SARNP: variants seen among roughly 807,000 people sequenced by gnomAD.
SARNP encodes SAP domain containing ribonucleoprotein.
Under a neutral mutation model 38.1 loss-of-function variants are expected in SARNP, and 5 were observed. The ratio of observed to expected loss-of-function variants is 0.13; its 90% CI spans 0.07 to 0.28. The LOEUF (loss-of-function observed/expected upper bound fraction) is 0.28. Among genes scored for constraint, SARNP ranks in the 10% least tolerant of loss-of-function variants. The probability of loss-of-function intolerance (pLI) is 1.00; values close to 1 mark genes in which losing one functional copy is unlikely to be tolerated. For missense variants in SARNP, 180 were observed against 243.9 expected (o/e 0.74, Z 1.75); for synonymous variants, 84 against 80.6 (o/e 1.04, Z -0.23).
intron 4 of SARNP, among the ~76,000 whole-genome samples, chr12:55,799,655 G>C (rs1879922762): frequency 6.7e-6 from 1 of 149,130 alleles, no homozygotes; most frequent in South Asian, 2.1e-4. Context: ...CCAGGTTCAA[G>C]CAATTCTCCT....
At chr12:55,775,516 C>T (rs1403659143) in intron 9 of SARNP, among the ~76,000 whole-genome samples, 4 of 137,296 alleles carry the variant, frequency 2.9e-5, no homozygotes, top group African/African-American at 1.1e-4. Flanking sequence ...GAGCTGGGAT[C>T]GCGCTCTGTC....
At chr12:55,800,992 C>G (rs954628338) in intron 2 of SARNP, 92 bp from the exon 3 acceptor site, 1 of 1,058,138 alleles carries the variant, frequency 9.5e-7, no homozygotes, top group African/African-American at 1.6e-5. Flanking sequence ...TTGCTTTCCC[C>G]CAAAAAATCC....
chr12:55,788,689 C>A (rs573768715), intron 9 of SARNP, among the ~76,000 whole-genome samples: 186 of 152,066 alleles, frequency 1.2e-3, no homozygotes, highest in African/African-American at 4.3e-3. Context: ...GTTTTAGCTA[C>A]GAGAAAGGCT....
intron 1 of SARNP, among the ~76,000 whole-genome samples, chr12:55,811,937 C>T (rs1445192035): frequency 6.6e-6 from 1 of 152,200 alleles, no homozygotes; most frequent in East Asian, 1.9e-4. Flanking sequence ...AGATTATTGT[C>T]AAAATTCTTC....
intron 4 of SARNP, among the ~76,000 whole-genome samples, chr12:55,799,976 G>T (rs945104265): frequency 1.3e-5 from 2 of 151,828 alleles, no homozygotes; most frequent in Non-Finnish European, 2.9e-5. Flanking sequence ...GATCATTTGA[G>T]GTCAGGAGTT....
At chr12:55,755,604 T>C (rs540247810), downstream of SARNP, 1 of 152,230 alleles carries the variant, frequency 6.6e-6, no homozygotes, top group East Asian at 1.9e-4. Context: ...GTCTGTTCCA[T>C]CTCCAAACGG....
chr12:55,799,912 G>A (rs1357885878), intron 4 of SARNP, among the ~76,000 whole-genome samples: 2 of 151,402 alleles, frequency 1.3e-5, no homozygotes, highest in Non-Finnish European at 2.9e-5. Context: ...AGAATGGGCC[G>A]GGCACGGTGG....
chr12:55,805,586 C>T (rs1338545954), intron 1 of SARNP, among the ~76,000 whole-genome samples: 1 of 152,218 alleles, frequency 6.6e-6, no homozygotes, highest in African/African-American at 2.4e-5. Context: ...GTGGCTCACG[C>T]CTGTAATCCC....
intron 9 of SARNP, among the ~76,000 whole-genome samples, chr12:55,772,712 CTTTT>C (rs11428581): frequency 3.1e-5 from 4 of 130,292 alleles, no homozygotes; most frequent in African/African-American, 2.9e-5. Context: ...GAAGCTGAAA[CTTTT>C]TTTTTTTTTT....
chr12:55,801,007 G>C, intron 2 of SARNP, 107 bp from the exon 3 acceptor site: 1 of 889,626 alleles, frequency 1.1e-6, no homozygotes, highest in Non-Finnish European at 1.9e-6. Flanking sequence ...AAATCCAACA[G>C]TGAAGGCAGA....
chr12:55,760,588 G>C lies in SARNP; in HGVS notation c.554C>G (p.Thr185Arg). 6.2e-7 allele frequency: 1 copy of C among 1,613,184 alleles called. No homozygotes were observed. Among genetic ancestry groups the C allele is most frequent in the Non-Finnish European group, 8.5e-7 (1 of 1,179,224 alleles). The change falls in exon 10 of 11, where the codon ACA becomes AGA. Residue 185 changes from threonine to arginine, a missense_variant. By Grantham distance (71) the Thr-to-Arg change is moderately conservative. Coordinates refer to ENST00000336133, the MANE Select transcript of SARNP (RefSeq NM_033082.4). The stretch of plus-strand genomic sequence containing the variant: ...TGTGGTTCCAGTTCCAGCTGAACTT[G>C]TGACAATCCCAAATCGCTCCTTCCT... ...KKRKERFGIV[T>R]SSAGTGTTED...
chr12:55,787,982 C>T (rs1001183285), intron 9 of SARNP, among the ~76,000 whole-genome samples: 7 of 152,124 alleles, frequency 4.6e-5, no homozygotes, highest in Admixed American at 3.9e-4. Flanking sequence ...ATCTCCTGAC[C>T]TCGTGATCCG....
chr12:55,813,374 G>A (rs1298374585), intron 1 of SARNP, among the ~76,000 whole-genome samples: 3 of 152,154 alleles, frequency 2.0e-5, no homozygotes, highest in Non-Finnish European at 4.4e-5. Context: ...CCTGAAAGGG[G>A]TGTAGTAATT....
chr12:55,792,535 C>CTTTTTTTTTTTTTTTTTTT, intron 7 of SARNP: 2 of 103,196 alleles, frequency 1.9e-5, no homozygotes, highest in Non-Finnish European at 3.7e-5. Flanking sequence ...CCACACCCAG[C>CTTTTTTTTTTTTTTTTTTT]TTTTTTTTTT....
chr12:55,767,418 A>G (rs979979751), intron 9 of SARNP, among the ~76,000 whole-genome samples: 4 of 150,334 alleles, frequency 2.7e-5, no homozygotes, highest in Non-Finnish European at 5.9e-5. Context: ...GCATGGTGGT[A>G]CATGCCTGTG....
chr12:55,787,615 T>G (rs1434971042), intron 9 of SARNP, among the ~76,000 whole-genome samples: 1 of 152,016 alleles, frequency 6.6e-6, no homozygotes, highest in Non-Finnish European at 1.5e-5. Flanking sequence ...TTTTGTAGTT[T>G]TAGTAGAGAC....
intron 2 of SARNP, among the ~76,000 whole-genome samples, chr12:55,802,264 C>T (rs971688608): frequency 3.3e-5 from 5 of 151,962 alleles, no homozygotes; most frequent in African/African-American, 1.2e-4. Flanking sequence ...ATTAGCAATA[C>T]CATTCTTGGG....
At chr12:55,790,471 C>T in intron 8 of SARNP, 96 bp downstream of exon 8, 1 of 1,313,950 alleles carries the variant, frequency 7.6e-7, no homozygotes, top group Non-Finnish European at 1.0e-6. Context: ...AATTAATGTT[C>T]TCAGAGTTTC....
At chr12:55,756,832 T>C (rs1199665895), downstream of SARNP, 2 of 152,222 alleles carry the variant, frequency 1.3e-5, no homozygotes, top group African/African-American at 2.4e-5. Flanking sequence ...CTGACCAACA[T>C]AGTATCGTAT....
Sources: gnomAD v4.1 joint callset for allele counts (sites outside exome capture counted in the v4.1 genomes callset) on GRCh38, gnomAD v4.1.1 for gene constraint, MANE v1.5 for transcripts, NCBI Gene and HGNC (gene_info 2026-07-23, HGNC 2026-07-21) for gene names.